RBFOX1: variants seen among roughly 807,000 people sequenced by gnomAD.
RBFOX1 encodes RNA binding fox-1 homolog 1.
RBFOX1 carries 8 observed loss-of-function variants against 57.7 expected under a neutral mutation model. The ratio of observed to expected loss-of-function variants is 0.14; its 90% CI spans 0.08 to 0.25. RBFOX1 has a LOEUF of 0.25. RBFOX1 is among the 10% of genes least tolerant of loss of function. RBFOX1 has a pLI of 1.00. For missense variants in RBFOX1, 611 were observed against 548.5 expected (o/e 1.11, Z -1.14); for synonymous variants, 326 against 222.4 (o/e 1.47, Z -4.15).
rs184914158 is a variant in RBFOX1 at position 5,480,197 on chromosome 16, C to G, written c.258+12943C>G. On this transcript the variant is annotated intron_variant, in intron 2 of 2. Coordinates refer to the RBFOX1 transcript ENST00000585867. The stretch of plus-strand genomic sequence containing the variant: ...ATCCGGAGATGCATAAAAGAAATCC[C>G]TGCTGTGCTCTGTAGAATCGCTAAT... Among the ~76,000 whole-genome samples, 14 of 152,274 alleles carry G rather than the reference C, an allele frequency of 9.2e-5. No homozygotes were observed. In the East Asian group the frequency reaches 1.2e-3, roughly 13 times the overall value.
intron 3 of RBFOX1, among the ~76,000 whole-genome samples, chr16:6,963,884 G>C (rs1212892583): frequency 6.6e-6 from 1 of 151,982 alleles, no homozygotes; most frequent in Non-Finnish European, 1.5e-5. Context: ...ATTTTTAGTA[G>C]AGATGGGATT....
chr16:6,419,173 A>G (rs1164796643), intron 2 of RBFOX1, among the ~76,000 whole-genome samples: 1 of 152,160 alleles, frequency 6.6e-6, no homozygotes, highest in Admixed American at 6.5e-5. Context: ...AATGTGACAC[A>G]CATTTTGACT....
intron 4 of RBFOX1, among the ~76,000 whole-genome samples, chr16:7,468,561 C>T (rs887751277): frequency 1.3e-5 from 2 of 150,642 alleles, no homozygotes; most frequent in Admixed American, 1.3e-4. Context: ...CATGGAACTT[C>T]GGAAATGGGA....
rs80211408 is a variant in RBFOX1 at position 5,790,341 on chromosome 16, C to A, written c.319-76962C>A. Among the ~76,000 whole-genome samples the A allele has an allele frequency of 2.0e-5, 3 of 152,144 alleles. No homozygotes were observed. In the South Asian group the frequency reaches 6.2e-4, roughly 32 times the overall value. On this transcript the variant is annotated intron_variant, in intron 3 of 19. Transcript: ENST00000641259. ...GAAAGGCTTGCCAGAGGGAGAAACCCCTGCATTTTCCATTGTCCAAGGTGC... is the reference window on the plus strand; with the variant it reads ...GAAAGGCTTGCCAGAGGGAGAAACCACTGCATTTTCCATTGTCCAAGGTGC...
intron 4 of RBFOX1, among the ~76,000 whole-genome samples, chr16:7,294,753 G>C (rs1354775276): frequency 2.0e-5 from 3 of 151,394 alleles, no homozygotes; most frequent in Admixed American, 6.6e-5. Context: ...ACGAGGTTTA[G>C]ATATTGTAAA....
chr16:5,484,676 A>G (rs1033688137), intron 2 of RBFOX1, among the ~76,000 whole-genome samples: 2 of 151,620 alleles, frequency 1.3e-5, no homozygotes, highest in African/African-American at 4.8e-5. Context: ...ACTTTGGGAG[A>G]CTGAGGCGGG....
chr16:6,690,930 C>G (rs191518666), intron 3 of RBFOX1, among the ~76,000 whole-genome samples: 1 of 152,146 alleles, frequency 6.6e-6, no homozygotes, highest in Non-Finnish European at 1.5e-5. Context: ...CCGGCTAAAT[C>G]TGTCAACCTG....
chr16:6,870,761 C>A (rs77910341), intron 3 of RBFOX1, among the ~76,000 whole-genome samples: 1,596 of 152,298 alleles, frequency 0.01, 27 homozygotes, highest in African/African-American at 0.037. Context: ...CCCAGCCCCT[C>A]AACAAACTAA....
chr16:5,901,768 T>C (rs917183201), intron 4 of RBFOX1, among the ~76,000 whole-genome samples: 1 of 152,226 alleles, frequency 6.6e-6, no homozygotes, highest in South Asian at 2.1e-4. Flanking sequence ...TTTCACACAT[T>C]ACCCAAATTG....
chr16:5,589,626 C>A (rs1476453855), intron 2 of RBFOX1, among the ~76,000 whole-genome samples: 2 of 152,168 alleles, frequency 1.3e-5, no homozygotes. Flanking sequence ...AGTGGCTAGT[C>A]CTAGGCCAGT....
At chr16:5,856,747 T>A (rs1426567311) in intron 3 of RBFOX1, among the ~76,000 whole-genome samples, 1 of 151,400 alleles carries the variant, frequency 6.6e-6, no homozygotes, top group East Asian at 2.0e-4. Flanking sequence ...TTCTGCAGCT[T>A]CCTACCATTC....
chr16:5,569,470 T>TTTTTTTTTTC (rs2046201683), intron 2 of RBFOX1, among the ~76,000 whole-genome samples: 1 of 128,496 alleles, frequency 7.8e-6, no homozygotes, highest in Non-Finnish European at 1.7e-5. Flanking sequence ...TTTTTTTTCT[T>TTTTTTTTTTC]CTTCTTTTTG....
chr16:7,701,152 A>G (rs2080552796), intron 14 of RBFOX1, among the ~76,000 whole-genome samples: 1 of 148,994 alleles, frequency 6.7e-6, no homozygotes, highest in Non-Finnish European at 1.5e-5. Context: ...AGTCAGCAGC[A>G]ATGAAACTCA....
intron 3 of RBFOX1, among the ~76,000 whole-genome samples, chr16:6,701,260 C>T (rs572700849): frequency 6.6e-6 from 1 of 152,314 alleles, no homozygotes; most frequent in African/African-American, 2.4e-5. Flanking sequence ...AGGAGGCTCT[C>T]TGCAGCTGAC....
chr16:7,376,997 G>T (rs1171925120), intron 4 of RBFOX1, among the ~76,000 whole-genome samples: 1 of 152,152 alleles, frequency 6.6e-6, no homozygotes. Flanking sequence ...TGGTTGCTTG[G>T]AAAAGCAGTG....
At chr16:6,252,462 A>G (rs914559016) in intron 1 of RBFOX1, among the ~76,000 whole-genome samples, 1 of 152,284 alleles carries the variant, frequency 6.6e-6, no homozygotes, top group East Asian at 1.9e-4. Context: ...TTTTGCAATG[A>G]CTATCACTGA....
intron 2 of RBFOX1, among the ~76,000 whole-genome samples, chr16:6,638,368 TCTTC>T (rs560802963): frequency 1.5e-4 from 23 of 152,216 alleles, no homozygotes; most frequent in Non-Finnish European, 2.4e-4. Context: ...GTTCATTTTT[TCTTC>T]CTTATTTCAA....
intron 1 of RBFOX1, among the ~76,000 whole-genome samples, chr16:6,250,213 C>A (rs907769502): frequency 6.6e-6 from 1 of 152,078 alleles, no homozygotes; most frequent in Non-Finnish European, 1.5e-5. Context: ...ATCTTTTTTT[C>A]CCTTCTTCTT....
At chr16:7,544,460 G>A (rs912228171) in intron 5 of RBFOX1, among the ~76,000 whole-genome samples, 12 of 152,142 alleles carry the variant, frequency 7.9e-5, no homozygotes, top group Non-Finnish European at 1.3e-4. Flanking sequence ...GATTAGGGTG[G>A]GCCCTGAATT....
Sources: gnomAD v4.1 joint callset for allele counts (sites outside exome capture counted in the v4.1 genomes callset) on GRCh38, gnomAD v4.1.1 for gene constraint, MANE v1.5 for transcripts, NCBI Gene and HGNC (gene_info 2026-07-23, HGNC 2026-07-21) for gene names.